Variants in TTLL11 observed in about 807,000 individuals in gnomAD.
The protein encoded by TTLL11 is tubulin polyglutamylase TTLL11.
TTLL11 carries 42 observed loss-of-function variants against 51.7 expected under a neutral mutation model. The observed-to-expected ratio is 0.81, with a 90% CI of 0.64 to 1.05. The LOEUF (loss-of-function observed/expected upper bound fraction) is 1.05, where lower values mean the gene tolerates loss of function less well. TTLL11 is among the 50% of genes least tolerant of loss of function. The probability of loss-of-function intolerance (pLI) is 0.00; values close to 1 mark genes in which losing one functional copy is unlikely to be tolerated. For missense variants in TTLL11, 799 were observed against 940.4 expected (o/e 0.85, Z 1.97); for synonymous variants, 381 against 383.5 (o/e 0.99, Z 0.08).
At chr9:122,049,316 G>T (rs77994313) in intron 1 of TTLL11, among the ~76,000 whole-genome samples, 1,882 of 152,240 alleles carry the variant, frequency 0.012, 38 homozygotes, top group African/African-American at 0.043. Flanking sequence ...TATGATATAG[G>T]TGCTACTATT....
chr9:121,905,421 G>C (rs1005856598), intron 6 of TTLL11, among the ~76,000 whole-genome samples: 1 of 150,960 alleles, frequency 6.6e-6, no homozygotes, highest in Non-Finnish European at 1.5e-5. Context: ...GCACGAACTC[G>C]GCTCACTGCA....
chr9:121,849,791 T>G (rs1267317281), intron 8 of TTLL11, among the ~76,000 whole-genome samples: 2 of 152,186 alleles, frequency 1.3e-5, no homozygotes, highest in African/African-American at 4.8e-5. Flanking sequence ...CATTGATTAC[T>G]GTAGGAATGC....
rs143479911 is a variant in TTLL11, at chr9:121,888,608, T to G, written c.1482-17860A>C. 2.6e-3 allele frequency among the ~76,000 whole-genome samples: 394 copies of G among 152,366 alleles called. 2 individuals carry two copies. Among genetic ancestry groups the G allele is most frequent in the Middle Eastern group, 0.01 (3 of 294 alleles). ...TAGACTTGGCTGAATCAGTCCCCTTTGTAAAACGAATAAATTAGACACAGA... is the reference window on the plus strand; with the variant it reads ...TAGACTTGGCTGAATCAGTCCCCTTGGTAAAACGAATAAATTAGACACAGA... On this transcript the variant is annotated intron_variant, in intron 6 of 8. Transcript: ENST00000321582.
rs139727305 is a variant in TTLL11 at position 121,950,936 on chromosome 9, G to A, written c.1481+23073C>T. Among the ~76,000 whole-genome samples the A allele has an allele frequency of 4.3e-4, 65 of 152,246 alleles. No homozygotes were observed. In the Middle Eastern group the frequency reaches 0.01, roughly 24 times the overall value. ...AAAGCGCTTGGCCACAGTAACCCTC[G>A]ATAAATGTGATGTTGATGATGATGA... On this transcript the variant is annotated intron_variant, in intron 6 of 8. Coordinates refer to ENST00000321582, the MANE Select transcript of TTLL11 (RefSeq NM_001139442.2).
chr9:121,980,663 T>C lies in TTLL11; in HGVS notation c.1270-5684A>G, dbSNP rs1306685962. Among the ~76,000 whole-genome samples the C allele has an allele frequency of 2.6e-5, 4 of 152,364 alleles. No individual in the cohort carries two copies. The East Asian group carries it at 7.7e-4, about 29-fold the overall frequency. On this transcript the variant is annotated intron_variant, in intron 4 of 8. Coordinates refer to ENST00000321582, the MANE Select transcript of TTLL11 (RefSeq NM_001139442.2). ...GACCCAACCATCCCATTACTGGGTA[T>C]ATACCTAAAGGATGATAAATCATGC... is the stretch of plus-strand genomic sequence containing the variant.
intron 3 of TTLL11, among the ~76,000 whole-genome samples, chr9:121,998,936 G>A (rs960410977): frequency 2.7e-4 from 41 of 152,196 alleles, no homozygotes; most frequent in African/African-American, 4.1e-4. Context: ...CACTGTACCC[G>A]ACCCAGAATT....
At chr9:121,946,384 A>G (rs1841665787) in intron 6 of TTLL11, among the ~76,000 whole-genome samples, 1 of 152,214 alleles carries the variant, frequency 6.6e-6, no homozygotes, top group South Asian at 2.1e-4. Context: ...TTTCCACTTA[A>G]GATCCACACA....
At position 121,959,548 on chromosome 9, in the gene TTLL11, T is replaced by C. The variant is rs192622938; in HGVS notation, c.1481+14461A>G. The stretch of plus-strand genomic sequence containing the variant: ...CTTCACAGTCACATCTCAGATCCAA[T>C]CCATCACCAAGCCCTGTCCATTCAT... On this transcript the variant is annotated intron_variant, in intron 6 of 8. Coordinates refer to ENST00000321582, the MANE Select transcript of TTLL11 (RefSeq NM_001139442.2). Among the ~76,000 whole-genome samples, 394 of 152,146 alleles carry C rather than the reference T, an allele frequency of 2.6e-3. 3 individuals carry two copies. The highest frequency in any genetic ancestry group is 4.1e-3 in the Non-Finnish European group (282 of 67,994).
intron 6 of TTLL11, among the ~76,000 whole-genome samples, chr9:121,944,732 T>C (rs2131588718): frequency 6.6e-6 from 1 of 152,264 alleles, no homozygotes; most frequent in Non-Finnish European, 1.5e-5. Flanking sequence ...AACAAGGACA[T>C]AGGCCAGCCC....
chr9:121,951,310 G>C (rs992096404), intron 6 of TTLL11, among the ~76,000 whole-genome samples: 5 of 152,046 alleles, frequency 3.3e-5, no homozygotes, highest in African/African-American at 1.2e-4. Flanking sequence ...TTTTTTGTAA[G>C]AGCTGACAGA....
intron 1 of TTLL11, among the ~76,000 whole-genome samples, chr9:122,067,100 T>C (rs1327867885): frequency 6.6e-6 from 1 of 152,208 alleles, no homozygotes; most frequent in Non-Finnish European, 1.5e-5. Context: ...GCCCATATCA[T>C]AATGACATCA....
At chr9:121,908,069 G>T (rs1387561719) in intron 6 of TTLL11, among the ~76,000 whole-genome samples, 1 of 152,158 alleles carries the variant, frequency 6.6e-6, no homozygotes, top group Non-Finnish European at 1.5e-5. Context: ...AACAAAGAAG[G>T]CTATGTGGGT....
Position 121,989,785 on chromosome 9 carries a change from A to C in TTLL11, c.694-15T>G. ...ACCATTTGAACCTGGAGGGGGAAAA[A>C]AGGATGGCCGACATTATATTGTTTT... On this transcript the variant is annotated splice_polypyrimidine_tract_variant and intron_variant, in intron 3 of 8. Transcript: ENST00000321582. This position sits in a 1 kb window ranked among gnomAD's most constrained non-coding sequence, Gnocchi z 4.2. 6.3e-7 allele frequency: 1 copy of C among 1,575,588 alleles called. No homozygotes were observed. Among genetic ancestry groups the C allele is most frequent in the Non-Finnish European group, 8.6e-7 (1 of 1,160,606 alleles).
intron 8 of TTLL11, among the ~76,000 whole-genome samples, chr9:121,832,784 A>G (rs1837059314): frequency 1.3e-5 from 2 of 152,196 alleles, no homozygotes; most frequent in Non-Finnish European, 2.9e-5. Flanking sequence ...TACTAAAAAT[A>G]CAAAAATTAA....
chr9:122,015,206 T>G (rs1016783283), intron 3 of TTLL11, among the ~76,000 whole-genome samples: 1 of 152,146 alleles, frequency 6.6e-6, no homozygotes, highest in East Asian at 1.9e-4. Context: ...CCTAAGTATG[T>G]TTTCCAGAGA....
At position 122,093,134 on chromosome 9, in the gene TTLL11, G is replaced by A. The variant is rs1031274831; in HGVS notation, c.15C>T (p.Ser5=). ...ACCGGGCCGCCAGCTCGCTCTCGGA[G>A]CTGCCCCGCCGCATGGTGCTCAGGG... The part of the protein sequence containing the change: MRRG[S]SESELAARWE... The change falls in exon 1 of 9, where the codon AGC becomes AGT. Residue 5 remains serine (S), a synonymous_variant. Transcript: ENST00000321582. 1.5e-5 allele frequency: 22 copies of A among 1,491,512 alleles called. No individual in the cohort carries two copies. Among genetic ancestry groups the A allele is most frequent in the Non-Finnish European group, 1.9e-5 (21 of 1,127,366 alleles). 92.4% of individuals were successfully genotyped at this position (1,491,512 alleles called of 1,614,324 possible). A position where few individuals can be genotyped will look rare whatever the true frequency, so the allele number is the denominator to read the frequency against.
intron 3 of TTLL11, among the ~76,000 whole-genome samples, chr9:121,993,153 T>C (rs2416845): frequency 0.074 from 11,325 of 152,208 alleles, 857 homozygotes; most frequent in African/African-American, 0.19. Flanking sequence ...TTAATGATTA[T>C]TGGGTACAGA....
intron 6 of TTLL11, among the ~76,000 whole-genome samples, chr9:121,961,507 C>A (rs1219469410): frequency 6.6e-6 from 1 of 152,136 alleles, no homozygotes; most frequent in Non-Finnish European, 1.5e-5. Flanking sequence ...AAGAGTCTCG[C>A]TCCAGGGTCC....
intron 6 of TTLL11, among the ~76,000 whole-genome samples, chr9:121,966,283 T>A (rs1334158736): frequency 6.6e-6 from 1 of 152,100 alleles, no homozygotes; most frequent in Non-Finnish European, 1.5e-5. Context: ...AGGAAAGCAG[T>A]CCATAACCCA....
Sources: gnomAD v4.1 joint callset for allele counts (sites outside exome capture counted in the v4.1 genomes callset) on GRCh38, gnomAD v4.1.1 for gene constraint, Gnocchi (gnomAD v3.1) non-coding constraint, MANE v1.5 for transcripts, NCBI Gene and HGNC (gene_info 2026-07-23, HGNC 2026-07-21) for gene names.